ARK2C: variants seen among roughly 807,000 people sequenced by gnomAD.
ARK2C encodes arkadia (RNF111) C-terminal like ring finger ubiquitin ligase 2C.
the ARK2C span, among the ~76,000 whole-genome samples, chr18:46,389,998 G>C: frequency 6.6e-6 from 1 of 152,184 alleles, no homozygotes; most frequent in Non-Finnish European, 1.5e-5. Context: ...AAAGTGCTTG[G>C]ACTATAGGCG....
the ARK2C span, among the ~76,000 whole-genome samples, chr18:46,415,369 A>C: frequency 6.6e-6 from 1 of 151,870 alleles, no homozygotes; most frequent in Middle Eastern, 3.4e-3. Flanking sequence ...AAATACAAAA[A>C]ATTTTTTATA....
chr18:46,439,203 G>T, the ARK2C span, among the ~76,000 whole-genome samples: 1 of 152,206 alleles, frequency 6.6e-6, no homozygotes, highest in Non-Finnish European at 1.5e-5. Flanking sequence ...CAGGTAACAG[G>T]GATCAGACTC....
chr18:46,444,272 T>C, the ARK2C span, among the ~76,000 whole-genome samples: 1 of 152,148 alleles, frequency 6.6e-6, no homozygotes, highest in African/African-American at 2.4e-5. Context: ...TTATCGAACT[T>C]TTTGGATCTG....
At chr18:46,390,421 C>T in the ARK2C span, among the ~76,000 whole-genome samples, 1 of 152,368 alleles carries the variant, frequency 6.6e-6, no homozygotes, top group East Asian at 1.9e-4. Flanking sequence ...ATCAGCCATC[C>T]TTGGCCTGAC....
At chr18:46,339,157 C>T in the ARK2C span, among the ~76,000 whole-genome samples, 500 of 152,244 alleles carry the variant, frequency 3.3e-3, no homozygotes, top group African/African-American at 0.011. Flanking sequence ...TTGTTTGTTT[C>T]GTTTTCTTCT....
At chr18:46,455,286 A>G in the ARK2C span, among the ~76,000 whole-genome samples, 1 of 152,158 alleles carries the variant, frequency 6.6e-6, no homozygotes. Context: ...CTGGGCCTGA[A>G]AGTGGAGGGA....
the ARK2C span, among the ~76,000 whole-genome samples, chr18:46,456,353 G>A: frequency 6.6e-6 from 1 of 152,176 alleles, no homozygotes. Flanking sequence ...CTTTGTTTCA[G>A]GCTGATCTGA....
chr18:46,435,520 C>G, the ARK2C span: 62 of 739,696 alleles, frequency 8.4e-5, no homozygotes, highest in Non-Finnish European at 1.3e-4. Flanking sequence ...TTCTCAGGCC[C>G]CAGCGTTTGC....
At chr18:46,417,485 A>T in the ARK2C span, among the ~76,000 whole-genome samples, 1 of 152,220 alleles carries the variant, frequency 6.6e-6, no homozygotes, top group Admixed American at 6.5e-5. Context: ...TCTGCCCAGA[A>T]AGCACTTTGC....
chr18:46,335,919 G>T, the ARK2C span: 7 of 985,206 alleles, frequency 7.1e-6, no homozygotes, highest in East Asian at 2.3e-4. Context: ...TGCTGTGTGC[G>T]CTGTGACCCT....
chr18:46,390,062 A>G, the ARK2C span, among the ~76,000 whole-genome samples: 1 of 151,994 alleles, frequency 6.6e-6, no homozygotes, highest in Non-Finnish European at 1.5e-5. Context: ...TCTGTTCCCC[A>G]ATTCTTCCCC....
chr18:46,447,737 T>C, the ARK2C span: 4 of 1,613,134 alleles, frequency 2.5e-6, no homozygotes, highest in Non-Finnish European at 3.4e-6. Flanking sequence ...TGAGTGCCAG[T>C]GGTGGTCTGA....
the ARK2C span, among the ~76,000 whole-genome samples, chr18:46,377,936 G>A: frequency 6.6e-6 from 1 of 152,100 alleles, no homozygotes; most frequent in Non-Finnish European, 1.5e-5. Flanking sequence ...TCTGGGGCAG[G>A]AAGGCTGCTA....
the ARK2C span, among the ~76,000 whole-genome samples, chr18:46,398,086 G>T: frequency 6.7e-6 from 1 of 148,906 alleles, no homozygotes; most frequent in Admixed American, 6.7e-5. Flanking sequence ...TGACGTGTGA[G>T]GGTGTGTGCG....
At chr18:46,419,142 G>A in the ARK2C span, among the ~76,000 whole-genome samples, 3 of 152,166 alleles carry the variant, frequency 2.0e-5, no homozygotes, top group Admixed American at 6.5e-5. Flanking sequence ...GGCTGCCCTT[G>A]GGTGGCCTGT....
At chr18:46,352,910 GGT>G in the ARK2C span, among the ~76,000 whole-genome samples, 10 of 152,216 alleles carry the variant, frequency 6.6e-5, no homozygotes, top group African/African-American at 2.4e-4. Flanking sequence ...CCACACGTCA[GGT>G]CTTACATTGA....
the ARK2C span, among the ~76,000 whole-genome samples, chr18:46,384,214 C>G: frequency 1.3e-5 from 2 of 152,196 alleles, 1 homozygote; most frequent in South Asian, 4.1e-4. Context: ...CCCCTCCCTC[C>G]ATCTAGAATT....
the ARK2C span, among the ~76,000 whole-genome samples, chr18:46,369,396 G>A: frequency 6.6e-6 from 1 of 152,146 alleles, no homozygotes; most frequent in Admixed American, 6.5e-5. Context: ...TGGCAGGGGG[G>A]TGGGAGAGGA....
chr18:46,431,109 G>A, the ARK2C span, among the ~76,000 whole-genome samples: 2 of 152,048 alleles, frequency 1.3e-5, no homozygotes, highest in African/African-American at 4.8e-5. Context: ...TGTTCTCATT[G>A]TTCAACTCCC....
Sources: allele counts gnomAD v4.1 joint callset (sites outside exome capture counted in the v4.1 genomes callset), GRCh38; gene constraint gnomAD v4.1.1; transcripts MANE v1.5; gene names NCBI Gene and HGNC (gene_info 2026-07-23, HGNC 2026-07-21).